The following CCR3 variants were observed in gnomAD, a reference collection of about 807,000 sequenced individuals.
The protein encoded by CCR3 is C-C chemokine receptor type 3.
For missense variants in CCR3, 419 were observed against 437.5 expected (o/e 0.96, Z 0.38); for synonymous variants, 203 against 179.2 (o/e 1.13, Z -1.06).
At chr3:46,260,963 A>G (rs1700515880) in intron 1 of CCR3, among the ~76,000 whole-genome samples, 1 of 152,234 alleles carries the variant, frequency 6.6e-6, no homozygotes, top group African/African-American at 2.4e-5. Context: ...ATTCAATTTT[A>G]TCCAGTTTAA....
chr3:46,235,947 G>T (rs371184911), intron 2 of CCR3, among the ~76,000 whole-genome samples: 71 of 152,314 alleles, frequency 4.7e-4, no homozygotes, highest in African/African-American at 1.7e-3. Context: ...TTTTGTTCAT[G>T]TTGCTCTCCC....
At chr3:46,226,567 A>G (rs561999322) in intron 2 of CCR3, among the ~76,000 whole-genome samples, 1 of 152,240 alleles carries the variant, frequency 6.6e-6, no homozygotes, top group African/African-American at 2.4e-5. Flanking sequence ...GGGATTTTCT[A>G]TGTAGACCGC....
At chr3:46,211,397 A>ATATT (rs1699712526) in intron 2 of CCR3, among the ~76,000 whole-genome samples, 1 of 125,362 alleles carries the variant, frequency 8.0e-6, no homozygotes. Flanking sequence ...ATATATATAT[A>ATATT]TTTTTTGTAG....
At chr3:46,264,126 G>A (rs1021892785) in intron 1 of CCR3, 24 of 382,580 alleles carry the variant, frequency 6.3e-5, no homozygotes, top group Non-Finnish European at 1.0e-4. Flanking sequence ...AGAAAAGCAG[G>A]CACTGGCCTT....
At chr3:46,224,122 A>C (rs766539788) in intron 2 of CCR3, among the ~76,000 whole-genome samples, 4 of 152,206 alleles carry the variant, frequency 2.6e-5, no homozygotes, top group East Asian at 3.9e-4. Context: ...ACTTGATTAG[A>C]AACTTCATAG....
chr3:46,262,838 A>G (rs1700552867), intron 1 of CCR3, among the ~76,000 whole-genome samples: 1 of 152,054 alleles, frequency 6.6e-6, no homozygotes, highest in Non-Finnish European at 1.5e-5. Flanking sequence ...ATTTTTTTGT[A>G]GAGATAGGAT....
chr3:46,232,478 C>T (rs1357148403), intron 2 of CCR3, among the ~76,000 whole-genome samples: 5 of 152,204 alleles, frequency 3.3e-5, no homozygotes, highest in South Asian at 2.1e-4. Flanking sequence ...GGCATAGCCA[C>T]GTGGGGGTCC....
At chr3:46,264,829 C>T in intron 1 of CCR3, 1 of 392,900 alleles carries the variant, frequency 2.5e-6, no homozygotes. Context: ...TTATCATTAT[C>T]TAGCCTGTTT....
chr3:46,245,429 C>A (rs1046001283), intron 1 of CCR3, among the ~76,000 whole-genome samples: 2 of 149,042 alleles, frequency 1.3e-5, no homozygotes, highest in Non-Finnish European at 3.0e-5. Context: ...TTCTATCTTA[C>A]GTGGGCCTAA....
chr3:46,236,341 G>C (rs1700024436), intron 2 of CCR3, among the ~76,000 whole-genome samples: 1 of 152,234 alleles, frequency 6.6e-6, no homozygotes. Context: ...GAAGACACCG[G>C]CTGCTGAGAG....
At chr3:46,212,898 G>T (rs1485553942) in intron 2 of CCR3, among the ~76,000 whole-genome samples, 1 of 152,154 alleles carries the variant, frequency 6.6e-6, no homozygotes, top group African/African-American at 2.4e-5. Context: ...GCACCTCTGA[G>T]GTTTTTAAAC....
In CCR3 at chr3:46,265,330, A is replaced by G. The variant is rs557843498; in HGVS notation, c.172A>G (p.Ile58Val). ...GLLGNVVVVM[I>V]LIKYRRLRIM... ...CTTGGGCAATGTGGTGGTGGTGATG[A>G]TCCTCATAAAATACAGGAGGCTCCG... Residue 58 changes from isoleucine to valine, a missense_variant, in exon 2 of 2, where the codon ATC (isoleucine) becomes GTC (valine). Ile to Val is a conservative substitution (Grantham distance 29, BLOSUM62 3). Transcript: ENST00000395940. 1 of 1,614,050 alleles carries G rather than the reference A, an allele frequency of 6.2e-7. No homozygotes were observed. The highest frequency in any genetic ancestry group is 1.3e-5 in the African/African-American group (1 of 74,994).
intron 1 of CCR3, chr3:46,264,714 T>A (rs1384068879): frequency 1.2e-5 from 5 of 433,610 alleles, no homozygotes; most frequent in Non-Finnish European, 2.0e-5. Context: ...ATTATACATA[T>A]TTTGCTTTTA....
At chr3:46,238,340 T>C (rs1700043595), upstream of CCR3, among the ~76,000 whole-genome samples, 1 of 152,230 alleles carries the variant, frequency 6.6e-6, no homozygotes, top group South Asian at 2.1e-4. Context: ...CTAACAATGT[T>C]GACAGTCTTG....
intron 1 of CCR3, among the ~76,000 whole-genome samples, chr3:46,261,858 G>C (rs1700531018): frequency 6.6e-6 from 1 of 152,220 alleles, no homozygotes; most frequent in African/African-American, 2.4e-5. Flanking sequence ...GGCCCTGGTG[G>C]AGGCGTAGTG....
At chr3:46,216,152 C>G (rs534904968) in intron 2 of CCR3, among the ~76,000 whole-genome samples, 1 of 152,308 alleles carries the variant, frequency 6.6e-6, no homozygotes, top group South Asian at 2.1e-4. Flanking sequence ...ATTTATCTTA[C>G]AAATATTTAC....
At chr3:46,230,154 G>A (rs746290084) in intron 2 of CCR3, among the ~76,000 whole-genome samples, 2 of 152,166 alleles carry the variant, frequency 1.3e-5, no homozygotes, top group Admixed American at 1.3e-4. Flanking sequence ...GGAAAGGTAA[G>A]AAGGACTCCA....
chr3:46,255,246 G>A (rs892470515), intron 1 of CCR3, among the ~76,000 whole-genome samples: 3 of 151,780 alleles, frequency 2.0e-5, no homozygotes, highest in Admixed American at 6.6e-5. Context: ...GGGATTATTT[G>A]TTTTTTTCTT....
intron 1 of CCR3, among the ~76,000 whole-genome samples, chr3:46,262,279 G>T (rs913904862): frequency 6.6e-6 from 1 of 152,220 alleles, no homozygotes; most frequent in Admixed American, 6.5e-5. Context: ...TGAGAAGCTG[G>T]TAACAGAGAC....
Sources: gnomAD v4.1 joint callset for allele counts (sites outside exome capture counted in the v4.1 genomes callset) on GRCh38, gnomAD v4.1.1 for gene constraint, MANE v1.5 for transcripts, NCBI Gene and HGNC (gene_info 2026-07-23, HGNC 2026-07-21) for gene names.